Variants in TDRD9 observed in about 807,000 individuals in gnomAD.
TDRD9 encodes the protein ATP-dependent RNA helicase TDRD9.
TDRD9 carries 124 observed loss-of-function variants against 172.6 expected under a neutral mutation model. The ratio of observed to expected loss-of-function variants is 0.72; its 90% CI spans 0.62 to 0.83. The LOEUF is 0.83. Ranked by LOEUF, TDRD9 falls within the 40% of genes least tolerant of loss-of-function variation. The pLI is 0.00. For synonymous variants in TDRD9, 619 were observed against 617.1 expected, an observed-to-expected ratio of 1.00 and a Z score of -0.05; for missense variants, 1,479 against 1,714.1, an observed-to-expected ratio of 0.86 and a Z score of 2.42.
At chr14:103,953,978 C>G (rs1283429933) in intron 1 of TDRD9, among the ~76,000 whole-genome samples, 1 of 152,150 alleles carries the variant, frequency 6.6e-6, no homozygotes, top group East Asian at 1.9e-4. Flanking sequence ...CTGGGCATCC[C>G]TTGGCCCAGT....
rs1004281286 is a variant in TDRD9, at chr14:103,986,113, T to C, written c.1012-104T>C. 28 of 777,744 alleles carry C rather than the reference T, an allele frequency of 3.6e-5. No homozygotes were observed. The African/African-American group carries it at 4.9e-4, about 14-fold the overall frequency. 48.2% of individuals were successfully genotyped at this position (777,744 alleles called of 1,614,324 possible). A position where few individuals can be genotyped will look rare whatever the true frequency, so the allele number is the denominator to read the frequency against. On this transcript the variant is annotated intron_variant, in intron 7 of 35. Coordinates refer to ENST00000409874, the MANE Select transcript of TDRD9 (RefSeq NM_153046.3). ...AACCAAGAACTTTTATTTAGAGAGT[T>C]TGTTACAGTGTTGTACTAATGGTGA... is the stretch of plus-strand genomic sequence containing the variant.
intron 35 of TDRD9, 152 bp downstream of exon 35, chr14:104,049,832 A>G (rs2035890986): frequency 3.2e-6 from 2 of 628,418 alleles, no homozygotes; most frequent in East Asian, 5.6e-5. Context: ...CAGCTGGCAA[A>G]TGTCTCAGAC....
At position 104,026,075 on chromosome 14, in the gene TDRD9, C is replaced by G; in HGVS notation, c.2960C>G (p.Ser987Cys). 1 of 1,610,964 alleles carries G rather than the reference C, an allele frequency of 6.2e-7. No homozygotes were observed. The highest frequency in any genetic ancestry group is 8.5e-7 in the Non-Finnish European group (1 of 1,177,212). ...EVFFVDYGNK[S>C]HVDLHLLMEI... ...TTCTTTGTAGATTATGGCAATAAGTCTCATGTAGATCTACATCTTTTGATG... is the reference window on the plus strand; with the variant it reads ...TTCTTTGTAGATTATGGCAATAAGTGTCATGTAGATCTACATCTTTTGATG... Residue 987 changes from serine (S) to cysteine (C), a missense_variant, in exon 27 of 36, where the codon TCT becomes TGT. Physicochemically the swap from Ser to Cys is moderately radical, Grantham distance 112 (BLOSUM62 -1). Transcript: ENST00000409874.
chr14:104,039,683 G>C (rs776961463), intron 32 of TDRD9, among the ~76,000 whole-genome samples: 1 of 152,202 alleles, frequency 6.6e-6, no homozygotes, highest in Non-Finnish European at 1.5e-5. Flanking sequence ...GTGACAGGAC[G>C]TGCCAGTGGT....
rs189906919 is a variant in TDRD9, at chr14:103,942,076, A to T, written c.215+13352A>T. 343 of 196,182 alleles carry T rather than the reference A, an allele frequency of 1.7e-3. 2 individuals are homozygous for T. The highest frequency in any genetic ancestry group is 7.8e-3 in the African/African-American group (330 of 42,122). 12.2% of individuals were successfully genotyped at this position (196,182 alleles called of 1,614,324 possible). ...CTTTTGATTTATGTTTTGGACAGAA[A>T]AGGTTTAAAGCTTACCTGTTAAGTT... On this transcript the variant is annotated intron_variant, in intron 1 of 35. Transcript: ENST00000409874.
intron 2 of TDRD9, among the ~76,000 whole-genome samples, chr14:103,956,215 G>A (rs112335939): frequency 0.024 from 3,364 of 142,422 alleles, 76 homozygotes; most frequent in East Asian, 0.072. Flanking sequence ...CGAGGCAGGT[G>A]GATCACGAGG....
At chr14:103,961,967 C>T (rs983451284) in intron 2 of TDRD9, among the ~76,000 whole-genome samples, 5 of 152,074 alleles carry the variant, frequency 3.3e-5, no homozygotes, top group African/African-American at 4.8e-5. Context: ...GGAATGAGTG[C>T]GGTGCTAAAT....
intron 34 of TDRD9, among the ~76,000 whole-genome samples, chr14:104,048,551 A>G (rs28416628): frequency 0.022 from 3,395 of 152,198 alleles, 144 homozygotes; most frequent in Admixed American, 0.12. Context: ...GCCCTTTGCC[A>G]TTGGAGCTAA....
At chr14:103,961,561 CAGAAAAAGAAAAA>C (rs1466944003) in intron 2 of TDRD9, among the ~76,000 whole-genome samples, 5 of 128,148 alleles carry the variant, frequency 3.9e-5, no homozygotes, top group African/African-American at 8.9e-5. Context: ...AGACTCTGTC[CAGAAAAAGAAAAA>C]AGAAAAAGAA....
chr14:103,932,413 A>G (rs2030450510), intron 1 of TDRD9, among the ~76,000 whole-genome samples: 1 of 150,452 alleles, frequency 6.6e-6, no homozygotes, highest in Non-Finnish European at 1.5e-5. Context: ...TTTGAGACGG[A>G]GTCTCGCTCT....
At chr14:104,010,963 T>C (rs1236286834) in intron 20 of TDRD9, among the ~76,000 whole-genome samples, 2 of 152,254 alleles carry the variant, frequency 1.3e-5, no homozygotes, top group African/African-American at 2.4e-5. Flanking sequence ...ATGTGTTGTA[T>C]GTGCTAGACT....
chr14:103,936,755 AC>A (rs1208490279), intron 1 of TDRD9, among the ~76,000 whole-genome samples: 1 of 152,140 alleles, frequency 6.6e-6, no homozygotes, highest in Non-Finnish European at 1.5e-5. Context: ...GTAATCTAGC[AC>A]CTAGAAGAAT....
At chr14:104,010,087 A>G (rs978691259) in intron 20 of TDRD9, among the ~76,000 whole-genome samples, 37 of 151,972 alleles carry the variant, frequency 2.4e-4, no homozygotes, top group African/African-American at 7.5e-4. Context: ...CTGGGATTAC[A>G]GGTGTGCGTC....
At chr14:103,952,174 G>T (rs867149303) in intron 1 of TDRD9, among the ~76,000 whole-genome samples, 41 of 96,128 alleles carry the variant, frequency 4.3e-4, no homozygotes, top group South Asian at 3.8e-3. Context: ...GTGTATATAT[G>T]TGTGTGCGTG....
chr14:104,023,243 G>A lies in TDRD9; in HGVS notation c.2606+913G>A, dbSNP rs148664660. Reference sequence around the variant, plus strand: ...TACCTATGGTGTAAGGCTGTTGAGAGGATTGAGTGATATCATTGATGTAAT... The same window carrying A: ...TACCTATGGTGTAAGGCTGTTGAGAAGATTGAGTGATATCATTGATGTAAT... On this transcript the variant is annotated intron_variant, in intron 24 of 35. Transcript: ENST00000409874. Among the ~76,000 whole-genome samples, 8 of 149,884 alleles carry A rather than the reference G, an allele frequency of 5.3e-5. No homozygotes were observed. In the East Asian group the frequency reaches 1.6e-3, roughly 29 times the overall value.
chr14:103,998,599 T>G (rs768882797), intron 12 of TDRD9, 25 bp from the exon 13 acceptor site: 7 of 1,245,718 alleles, frequency 5.6e-6, no homozygotes, highest in Non-Finnish European at 8.3e-6. Flanking sequence ...GCATGGTGTT[T>G]ACAGTCCTTT....
intron 24 of TDRD9, among the ~76,000 whole-genome samples, chr14:104,023,488 C>T (rs926942727): frequency 2.6e-5 from 4 of 152,206 alleles, no homozygotes; most frequent in Admixed American, 2.0e-4. Context: ...TCCCTCCCGC[C>T]CAGAGAGTGG....
At chr14:104,043,870 T>C (rs1244116877) in intron 34 of TDRD9, among the ~76,000 whole-genome samples, 1 of 152,236 alleles carries the variant, frequency 6.6e-6, no homozygotes, top group Admixed American at 6.5e-5. Flanking sequence ...GCAGGCAGCC[T>C]TTGATCCCCT....
At chr14:103,960,599 A>C (rs760418128) in intron 2 of TDRD9, among the ~76,000 whole-genome samples, 3 of 152,238 alleles carry the variant, frequency 2.0e-5, no homozygotes, top group African/African-American at 7.2e-5. Flanking sequence ...CGAGAGCCAC[A>C]CAGCTGGGAA....
Sources: allele counts gnomAD v4.1 joint callset (sites outside exome capture counted in the v4.1 genomes callset), GRCh38; gene constraint gnomAD v4.1.1; transcripts MANE v1.5; gene names NCBI Gene and HGNC (gene_info 2026-07-23, HGNC 2026-07-21).